IL2RB: variants seen among roughly 807,000 people sequenced by gnomAD.
The protein encoded by IL2RB is interleukin 2 receptor subunit beta.
In IL2RB, 17 loss-of-function variants were observed where a neutral mutation model predicts 44.2. The observed-to-expected ratio is 0.38, with a 90% CI of 0.26 to 0.58. The LOEUF is 0.58. IL2RB is among the 20% of genes least tolerant of loss of function. The pLI, the probability that IL2RB is intolerant of heterozygous loss-of-function variation, is 0.63. For missense variants in IL2RB, 624 were observed against 685.5 expected (o/e 0.91, Z 1.00); for synonymous variants, 286 against 297.9 (o/e 0.96, Z 0.41).
intron 1 of IL2RB, chr22:37,162,087 C>T (rs1366919561): frequency 6.6e-6 from 1 of 152,230 alleles, no homozygotes; most frequent in Non-Finnish European, 1.5e-5. Context: ...ACACAGGTGC[C>T]TTAGCCAAGT....
intron 5 of IL2RB, 102 bp from the exon 6 acceptor site, chr22:37,137,837 AC>A (rs1304738742): frequency 1.6e-5 from 16 of 1,015,328 alleles, no homozygotes; most frequent in Non-Finnish European, 1.9e-5. Flanking sequence ...CACCTCCCCT[AC>A]CCCCCGACCC....
upstream of IL2RB, among the ~76,000 whole-genome samples, chr22:37,153,788 C>T (rs568363396): frequency 1.3e-5 from 2 of 152,098 alleles, no homozygotes; most frequent in Non-Finnish European, 2.9e-5. Context: ...TTCCTGCCCC[C>T]AAATAAATGA....
At chr22:37,139,252 T>C (rs1402702814) in intron 4 of IL2RB, 30 bp from the exon 5 acceptor site, 1 of 1,492,026 alleles carries the variant, frequency 6.7e-7, no homozygotes, top group African/African-American at 1.4e-5. Flanking sequence ...GGGGTGAAAC[T>C]TCTAGCAGCT....
chr22:37,167,475 C>A (rs1923124740), intron 1 of IL2RB, among the ~76,000 whole-genome samples: 1 of 152,260 alleles, frequency 6.6e-6, no homozygotes, highest in African/African-American at 2.4e-5. Flanking sequence ...GGCCTCCTCG[C>A]CATGGAAAGC....
At chr22:37,166,917 C>T (rs62235060) in intron 1 of IL2RB, 30,223 of 151,944 alleles carry the variant, frequency 0.2, 3,217 homozygotes, top group East Asian at 0.33. Context: ...GACCAGCAGA[C>T]CTGCAAGGGA....
chr22:37,161,037 A>G (rs533067170), intron 1 of IL2RB, among the ~76,000 whole-genome samples: 1 of 152,354 alleles, frequency 6.6e-6, no homozygotes, highest in Non-Finnish European at 1.5e-5. Flanking sequence ...GCTACTTGGG[A>G]GGCTGAGGCA....
chr22:37,136,617 C>T (rs1921716914), intron 6 of IL2RB, among the ~76,000 whole-genome samples: 1 of 151,970 alleles, frequency 6.6e-6, no homozygotes, highest in African/African-American at 2.4e-5. Context: ...AACCTGGTTC[C>T]ACCTCCATAG....
upstream of IL2RB, among the ~76,000 whole-genome samples, chr22:37,150,429 G>GT (rs918669345): frequency 4.6e-5 from 7 of 151,898 alleles, no homozygotes; most frequent in South Asian, 6.3e-4. Context: ...AGAGATGACT[G>GT]TTTTTTTTAG....
At position 37,137,473 on chromosome 22, in the gene IL2RB, C is replaced by A. The variant is rs917030446; in HGVS notation, c.537+114G>T. ...GTGCAGAAAGAGCACTGGACTCAGC[C>A]ACCCACCATCCACCTGGGGCTGAGG... On this transcript the variant is annotated intron_variant, in intron 6 of 9. Coordinates refer to ENST00000216223, the MANE Select transcript of IL2RB (RefSeq NM_000878.5). 4.5e-6 allele frequency: 5 copies of A among 1,120,688 alleles called. No individual in the cohort carries two copies. In the African/African-American group the frequency reaches 7.7e-5, roughly 17 times the overall value. The allele number at this position is 1,120,688 out of a possible 1,614,324, so 69.4% of individuals were successfully genotyped here.
At chr22:37,140,778 T>C (rs1921927783) in intron 4 of IL2RB, among the ~76,000 whole-genome samples, 1 of 152,196 alleles carries the variant, frequency 6.6e-6, no homozygotes, top group Admixed American at 6.5e-5. Context: ...CATGGCCATA[T>C]GCCCTGCAAG....
upstream of IL2RB, among the ~76,000 whole-genome samples, chr22:37,152,929 C>CT (rs67046193): frequency 0.064 from 5,521 of 86,774 alleles, 575 homozygotes; most frequent in East Asian, 0.27. Context: ...GCTGTGGCCT[C>CT]TTTTTTTTTT....
At chr22:37,147,471 T>C (rs1016256289) in intron 1 of IL2RB, among the ~76,000 whole-genome samples, 3 of 152,234 alleles carry the variant, frequency 2.0e-5, no homozygotes, top group African/African-American at 7.2e-5. Flanking sequence ...GCACATACTC[T>C]ATGCTAGGCC....
At position 37,174,232 on chromosome 22, in the gene IL2RB, G is replaced by A. The variant is rs896686253; in HGVS notation, c.-34+726C>T. 2.6e-5 allele frequency among the ~76,000 whole-genome samples: 4 copies of A among 152,168 alleles called. 1 individual carries two copies. Among genetic ancestry groups the A allele is most frequent in the African/African-American group, 7.2e-5 (3 of 41,428 alleles). On this transcript the variant is annotated intron_variant, in intron 1 of 5. Transcript: ENST00000429622. ...CATCCATGAAACGGAAGGGTTCGTC[G>A]CTGGGTTTTGAGACTTTTTTCCATG...
rs35235765 is a variant in IL2RB, at chr22:37,174,517, A to G, written c.-34+441T>C. ...TGCATCTGTTTTCTGTATGTGTCCT[A>G]TGAAATGCCATGAACCCCAACTATG... On this transcript the variant is annotated intron_variant, in intron 1 of 5. Coordinates refer to the IL2RB transcript ENST00000429622. 1.8e-3 allele frequency among the ~76,000 whole-genome samples: 271 copies of G among 152,286 alleles called. 2 individuals are homozygous for G. The highest frequency in any genetic ancestry group is 6.0e-3 in the African/African-American group (250 of 41,564).
At chr22:37,135,702 C>T (rs1464884603) in intron 7 of IL2RB, among the ~76,000 whole-genome samples, 2 of 151,572 alleles carry the variant, frequency 1.3e-5, no homozygotes, top group Non-Finnish European at 2.9e-5. Flanking sequence ...CAGCCCCCCA[C>T]CACCCCCACA....
chr22:37,162,187 G>A (rs745951404), intron 1 of IL2RB, among the ~76,000 whole-genome samples: 5 of 152,198 alleles, frequency 3.3e-5, no homozygotes, highest in Admixed American at 6.5e-5. Flanking sequence ...GATGGCGATC[G>A]AGTGAGAGGG....
chr22:37,149,386 A>G (rs778229001), intron 1 of IL2RB, among the ~76,000 whole-genome samples: 1 of 152,160 alleles, frequency 6.6e-6, no homozygotes, highest in Non-Finnish European at 1.5e-5. Flanking sequence ...ATGAGCACGC[A>G]ACACAGGGCT....
rs3218277 is a variant in IL2RB at position 37,141,919 on chromosome 22, G to A, written c.282+515C>T. Among the ~76,000 whole-genome samples the A allele has an allele frequency of 2.0e-5, 3 of 152,280 alleles. No individual in the cohort carries two copies. Among genetic ancestry groups the A allele is most frequent in the African/African-American group, 7.2e-5 (3 of 41,562 alleles). On this transcript the variant is annotated intron_variant, in intron 4 of 9. Transcript: ENST00000216223. The surrounding 1 kb of genome is among the most constrained non-coding windows in gnomAD (Gnocchi z 4.4). ...GCCTGAAAAACAAGGCCCTTGTTGG[G>A]CCTTGACCCAACAAGGTAGGTGCCA...
chr22:37,154,584 T>TG (rs1922612205), upstream of IL2RB, among the ~76,000 whole-genome samples: 1 of 151,602 alleles, frequency 6.6e-6, no homozygotes, highest in Non-Finnish European at 1.5e-5. Flanking sequence ...TCTTTTTTTT[T>TG]TTTTGTTTTT....
Sources: allele counts gnomAD v4.1 joint callset (sites outside exome capture counted in the v4.1 genomes callset), GRCh38; gene constraint gnomAD v4.1.1; non-coding constraint Gnocchi (gnomAD v3.1); transcripts MANE v1.5; gene names NCBI Gene and HGNC (gene_info 2026-07-23, HGNC 2026-07-21).